Variants in SORT1 observed in about 807,000 individuals in gnomAD.
The protein encoded by SORT1 is sortilin.
A neutral mutation model predicts 101.7 loss-of-function variants in SORT1; 39 were observed. The observed-to-expected ratio is 0.38, with a 90% confidence interval of 0.30 to 0.50. The LOEUF (loss-of-function observed/expected upper bound fraction) is 0.50, where lower values mean the gene tolerates loss of function less well. Among genes scored for constraint, SORT1 ranks in the 20% least tolerant of loss-of-function variants. The probability of loss-of-function intolerance (pLI) is 0.90; values close to 1 mark genes in which losing one functional copy is unlikely to be tolerated. For synonymous variants in SORT1, 396 were observed against 393.7 expected (o/e 1.01, Z -0.07); for missense variants, 878 against 1,040.4 (o/e 0.84, Z 2.15).
rs1413320784 is a variant in SORT1, at chr1:109,397,803, C to A, written c.90G>T (p.Ser30=). ...CGTCCAGCCGGTCCTGGCTGAGGGTCGACGGCGGCAGCAGCTGCAGGAGGA... is the reference window on the plus strand; with the variant it reads ...CGTCCAGCCGGTCCTGGCTGAGGGTAGACGGCGGCAGCAGCTGCAGGAGGA... ...LLLLLQLLPP[S]TLSQDRLDAP... is the part of the protein sequence containing the mutation. The change falls in exon 1 of 20, where the codon TCG becomes TCT. Residue 30 remains serine (S), a synonymous_variant. Transcript: ENST00000256637. 3.1e-6 allele frequency: 4 copies of A among 1,273,268 alleles called. No individual in the cohort carries two copies. The African/African-American group carries it at 6.3e-5, about 20-fold the overall frequency. The allele number at this position is 1,273,268 out of a possible 1,614,324, so 78.9% of individuals were successfully genotyped here.
At chr1:109,324,836 A>G (rs1647879606) in intron 14 of SORT1, 63 bp downstream of exon 14, 2 of 1,112,514 alleles carry the variant, frequency 1.8e-6, no homozygotes, top group South Asian at 2.9e-5. Context: ...ATTAAACCAT[A>G]TTGATTATTT....
Position 109,313,912 on chromosome 1 carries a change from T to A in SORT1, c.*131A>T, listed in dbSNP as rs565283574. ...TTTCTTTAGTGTAGGTCCTTTTGGCTTTGATGGAAGCAGCAGAAACAGAGC... is the reference window on the plus strand; with the variant it reads ...TTTCTTTAGTGTAGGTCCTTTTGGCATTGATGGAAGCAGCAGAAACAGAGC... On this transcript the variant is annotated 3_prime_UTR_variant, in exon 20 of 20. Transcript: ENST00000256637. 1.3e-4 allele frequency: 88 copies of A among 693,904 alleles called. 3 individuals are homozygous for A. In the South Asian group the frequency reaches 1.5e-3, roughly 12 times the overall value. 43.0% of individuals were successfully genotyped at this position (693,904 alleles called of 1,614,324 possible).
chr1:109,354,670 G>T (rs1409940214), intron 4 of SORT1, 139 bp from the exon 5 acceptor site: 3 of 650,522 alleles, frequency 4.6e-6, no homozygotes, highest in Non-Finnish European at 7.9e-6. Flanking sequence ...CTGATTAGTT[G>T]TTCCACTCTA....
At chr1:109,392,002 T>G (rs1652942989) in intron 1 of SORT1, among the ~76,000 whole-genome samples, 1 of 152,160 alleles carries the variant, frequency 6.6e-6, no homozygotes, top group Admixed American at 6.5e-5. Context: ...ATTGCCACAG[T>G]TTTGTTGTTT....
intron 1 of SORT1, among the ~76,000 whole-genome samples, chr1:109,386,768 T>C (rs1382564825): frequency 6.6e-6 from 1 of 152,220 alleles, no homozygotes; most frequent in Non-Finnish European, 1.5e-5. Flanking sequence ...TGGTCCGCTA[T>C]TCTTTCAAGC....
intron 15 of SORT1, among the ~76,000 whole-genome samples, chr1:109,318,311 C>T (rs1647380261): frequency 6.6e-6 from 1 of 152,176 alleles, no homozygotes; most frequent in African/African-American, 2.4e-5. Context: ...TGCCACCATG[C>T]CTGGCTAATT....
At chr1:109,342,291 C>G in intron 8 of SORT1, 133 bp from the exon 9 acceptor site, 1 of 700,360 alleles carries the variant, frequency 1.4e-6, no homozygotes, top group South Asian at 1.9e-5. Context: ...AATGAAAGGT[C>G]ATAGTACCAA....
chr1:109,338,733 C>T (rs142549374), intron 10 of SORT1, among the ~76,000 whole-genome samples: 164 of 152,274 alleles, frequency 1.1e-3, no homozygotes, highest in African/African-American at 3.8e-3. Flanking sequence ...ACTCCTAGTT[C>T]TATTTATCAT....
At chr1:109,347,046 AG>A (rs1195861497) in intron 7 of SORT1, among the ~76,000 whole-genome samples, 2 of 152,202 alleles carry the variant, frequency 1.3e-5, no homozygotes, top group East Asian at 3.9e-4. Context: ...CTCCATCCTT[AG>A]AACAGTGTTT....
intron 11 of SORT1, among the ~76,000 whole-genome samples, chr1:109,332,744 T>C (rs1260765240): frequency 6.6e-6 from 1 of 152,152 alleles, no homozygotes; most frequent in Non-Finnish European, 1.5e-5. Flanking sequence ...CAAAACAGCA[T>C]GGTACTGGCG....
intron 1 of SORT1, among the ~76,000 whole-genome samples, chr1:109,396,154 G>A (rs111394698): frequency 1.3e-3 from 200 of 152,222 alleles, no homozygotes; most frequent in African/African-American, 4.5e-3. Context: ...CAGCTACTCA[G>A]GAGGCTGAGG....
rs755223390 is a variant in SORT1, at chr1:109,355,411, G to A, written c.499C>T (p.Arg167Trp). Reference sequence around the variant, plus strand: ...CCAATAGCCATGCCAAATTCAGTCCGAATAAAGGTGTTATTGATGAGATCT... The same window carrying A: ...CCAATAGCCATGCCAAATTCAGTCCAAATAAAGGTGTTATTGATGAGATCT... ...ITDLINNTFI[R>W]TEFGMAIGPE... Residue 167 changes from arginine to tryptophan, a missense_variant, in exon 4 of 20, where the codon CGG becomes TGG. By Grantham distance (101) the Arg-to-Trp change is moderately radical (BLOSUM62 -3). Transcript: ENST00000256637. 2.5e-6 allele frequency: 4 copies of A among 1,604,080 alleles called. No homozygotes were observed. Among genetic ancestry groups the A allele is most frequent in the East Asian group, 2.2e-5 (1 of 44,822 alleles).
At chr1:109,382,875 C>T (rs2101649068) in intron 1 of SORT1, among the ~76,000 whole-genome samples, 1 of 152,224 alleles carries the variant, frequency 6.6e-6, no homozygotes, top group Non-Finnish European at 1.5e-5. Context: ...TATTGCCTAC[C>T]ATCTTAAAGC....
At chr1:109,341,571 G>A (rs182019035) in intron 9 of SORT1, among the ~76,000 whole-genome samples, 6 of 151,984 alleles carry the variant, frequency 3.9e-5, no homozygotes, top group South Asian at 2.1e-4. Flanking sequence ...TGACGGTCTC[G>A]ATCTCCTGAC....
At chr1:109,325,207 C>T (rs913007053) in intron 13 of SORT1, 118 bp from the exon 14 acceptor site, 53 of 447,086 alleles carry the variant, frequency 1.2e-4, no homozygotes, top group Non-Finnish European at 1.7e-4. Flanking sequence ...TAGGTGGTGG[C>T]TTATTGGCTG....
At chr1:109,382,000 C>G (rs192034034) in intron 1 of SORT1, among the ~76,000 whole-genome samples, 9 of 151,800 alleles carry the variant, frequency 5.9e-5, no homozygotes, top group Non-Finnish European at 1.2e-4. Flanking sequence ...TACTCTCATC[C>G]CACCTCCAAT....
At chr1:109,388,136 C>T (rs2787017) in intron 1 of SORT1, among the ~76,000 whole-genome samples, 146,669 of 151,766 alleles carry the variant, frequency 0.97, 71,076 homozygotes, top group Middle Eastern at 1. Context: ...GATGCGATCA[C>T]AGTGTCCTAT....
chr1:109,334,948 T>C (rs959074393), intron 11 of SORT1, among the ~76,000 whole-genome samples: 3 of 152,180 alleles, frequency 2.0e-5, no homozygotes, highest in Non-Finnish European at 4.4e-5. Flanking sequence ...ATTTTACTAC[T>C]ATTTTTTTAA....
In SORT1 at chr1:109,376,022, T is replaced by C. The variant is rs764404927; in HGVS notation, c.307-6433A>G. Among the ~76,000 whole-genome samples, 54 of 152,136 alleles carry C rather than the reference T, an allele frequency of 3.5e-4. 1 individual carries two copies. The highest frequency in any genetic ancestry group is 1.0e-4 in the Non-Finnish European group (7 of 68,010). ...ACTGTTGGAGGGAATGTTCAGCCCC[T>C]GTGAAAAGCGATTTGGAGATTTCTC... On this transcript the variant is annotated intron_variant, in intron 1 of 19. Transcript: ENST00000256637.
Sources: allele counts gnomAD v4.1 joint callset (sites outside exome capture counted in the v4.1 genomes callset), GRCh38; gene constraint gnomAD v4.1.1; transcripts MANE v1.5; gene names NCBI Gene and HGNC (gene_info 2026-07-23, HGNC 2026-07-21).